SUMF1: variants seen among roughly 807,000 people sequenced by gnomAD.
SUMF1 encodes the protein formylglycine-generating enzyme.
In SUMF1, 48 loss-of-function variants were observed where a neutral mutation model predicts 47.6. The ratio of observed to expected loss-of-function variants is 1.01; its 90% CI spans 0.80 to 1.28. SUMF1 has a LOEUF of 1.28. Among genes scored for constraint, SUMF1 ranks in the 50% most tolerant of loss-of-function variants. The probability of loss-of-function intolerance (pLI) is 0.00; values close to 1 mark genes in which losing one functional copy is unlikely to be tolerated. For missense variants in SUMF1, 571 were observed against 485.4 expected, an observed-to-expected ratio of 1.18 and a Z score of -1.66; for synonymous variants, 230 against 192.1, an observed-to-expected ratio of 1.20 and a Z score of -1.63.
chr3:4,204,921 A>T (rs1695619156), intron 8 of SUMF1, among the ~76,000 whole-genome samples: 1 of 152,078 alleles, frequency 6.6e-6, no homozygotes, highest in Non-Finnish European at 1.5e-5. Context: ...GAGCTTCCTC[A>T]AAACAGCTAT....
intron 8 of SUMF1, among the ~76,000 whole-genome samples, chr3:4,153,869 A>G (rs191513583): frequency 1.1e-3 from 172 of 151,646 alleles, no homozygotes; most frequent in Non-Finnish European, 3.4e-4. Flanking sequence ...GTCTGTTAGG[A>G]GGCAGGGAGG....
At chr3:4,144,690 A>G (rs1694153304) in intron 8 of SUMF1, among the ~76,000 whole-genome samples, 1 of 152,148 alleles carries the variant, frequency 6.6e-6, no homozygotes, top group Non-Finnish European at 1.5e-5. Context: ...TGTAACTAAT[A>G]TTCAGAATGA....
intron 3 of SUMF1, among the ~76,000 whole-genome samples, chr3:4,447,418 A>C (rs896144170): frequency 6.6e-6 from 1 of 152,160 alleles, no homozygotes; most frequent in African/African-American, 2.4e-5. Context: ...TTCTAACTTA[A>C]TCAAGTCTTG....
chr3:4,446,408 T>C (rs1396082307), intron 3 of SUMF1, among the ~76,000 whole-genome samples: 1 of 152,260 alleles, frequency 6.6e-6, no homozygotes, highest in Non-Finnish European at 1.5e-5. Flanking sequence ...GCCATGATTA[T>C]GAGGCCTCTC....
intron 8 of SUMF1, among the ~76,000 whole-genome samples, chr3:4,233,873 T>C (rs1696353247): frequency 6.6e-6 from 1 of 152,156 alleles, no homozygotes; most frequent in Non-Finnish European, 1.5e-5. Flanking sequence ...TTTGCACCGA[T>C]GCACCAATAA....
intron 8 of SUMF1, among the ~76,000 whole-genome samples, chr3:4,233,641 C>G (rs1394762085): frequency 3.3e-5 from 5 of 152,104 alleles, no homozygotes; most frequent in Admixed American, 6.6e-5. Flanking sequence ...AAATACCACA[C>G]TGCAGTTTCA....
intron 8 of SUMF1, among the ~76,000 whole-genome samples, chr3:4,277,283 G>T (rs947114211): frequency 6.6e-6 from 1 of 152,082 alleles, no homozygotes; most frequent in African/African-American, 2.4e-5. Context: ...AAGACAAAAT[G>T]AAAATACCCA....
At chr3:4,062,176 T>C (rs1362376032) in intron 9 of SUMF1, among the ~76,000 whole-genome samples, 2 of 152,056 alleles carry the variant, frequency 1.3e-5, no homozygotes, top group African/African-American at 2.4e-5. Flanking sequence ...GAGCCAACCC[T>C]TGCCTGGGAA....
chr3:4,303,537 G>C, intron 8 of SUMF1: 1 of 1,370,652 alleles, frequency 7.3e-7, no homozygotes, highest in Non-Finnish European at 9.4e-7. Flanking sequence ...GTAGGGGCGG[G>C]GCCAGGCGGC....
chr3:4,227,309 C>T (rs1388374097), intron 8 of SUMF1, among the ~76,000 whole-genome samples: 1 of 152,118 alleles, frequency 6.6e-6, no homozygotes, highest in Non-Finnish European at 1.5e-5. Context: ...ATGAACACTG[C>T]AGAATGGATC....
intron 8 of SUMF1, among the ~76,000 whole-genome samples, chr3:4,232,502 T>G (rs1455605495): frequency 2.0e-5 from 3 of 151,960 alleles, no homozygotes; most frequent in Non-Finnish European, 4.4e-5. Context: ...CCTGAAAATT[T>G]ACCCTCCCAG....
chr3:4,108,777 G>A (rs371741293), intron 8 of SUMF1, among the ~76,000 whole-genome samples: 2 of 151,988 alleles, frequency 1.3e-5, no homozygotes, highest in Non-Finnish European at 2.9e-5. Context: ...CATTTGCTTG[G>A]TAGATCTTCC....
rs145383154 is a variant in SUMF1 at position 4,361,316 on chromosome 3, C to G, written c.*828G>C. The stretch of plus-strand genomic sequence containing the variant: ...ATATCTAGAATTAAACAGGTTTCCC[C>G]GTTTAGCGCACATTTCACGTTCGCT... On this transcript the variant is annotated 3_prime_UTR_variant, in exon 9 of 9. Coordinates refer to ENST00000272902, the MANE Select transcript of SUMF1 (RefSeq NM_182760.4). 1 of 152,562 alleles carries G rather than the reference C, an allele frequency of 6.6e-6. No homozygotes were observed. Among genetic ancestry groups the G allele is most frequent in the African/African-American group, 2.4e-5 (1 of 41,424 alleles). The allele number at this position is 152,562 out of a possible 1,614,324, so 9.5% of individuals were successfully genotyped here.
chr3:4,062,068 A>C (rs2251048), intron 9 of SUMF1, among the ~76,000 whole-genome samples: 148,686 of 152,070 alleles, frequency 0.98, 72,764 homozygotes, highest in Middle Eastern at 1. Flanking sequence ...CCTGAACAGC[A>C]CCCCCTTCCT....
chr3:4,198,073 T>G (rs1179696811), intron 8 of SUMF1, among the ~76,000 whole-genome samples: 1 of 143,136 alleles, frequency 7.0e-6, no homozygotes, highest in African/African-American at 2.6e-5. Flanking sequence ...ATTGGTCAAA[T>G]GAAAAATGTA....
intron 8 of SUMF1, among the ~76,000 whole-genome samples, chr3:4,161,572 G>A (rs1694577859): frequency 6.6e-6 from 1 of 151,972 alleles, no homozygotes; most frequent in South Asian, 2.1e-4. Context: ...TCTCTCCATA[G>A]CTGTCACCAT....
chr3:4,238,652 C>T (rs139311148), intron 8 of SUMF1, among the ~76,000 whole-genome samples: 148 of 151,992 alleles, frequency 9.7e-4, no homozygotes, highest in Middle Eastern at 3.4e-3. Flanking sequence ...TTGTTTAAGT[C>T]ATTTGTAGAT....
chr3:4,418,336 G>A (rs1022658818), intron 4 of SUMF1, among the ~76,000 whole-genome samples: 2 of 152,234 alleles, frequency 1.3e-5, no homozygotes, highest in Non-Finnish European at 2.9e-5. Flanking sequence ...ATGGGTTACA[G>A]TTCCACTGGG....
At chr3:4,346,385 C>G (rs1367264767) in intron 8 of SUMF1, among the ~76,000 whole-genome samples, 1 of 152,052 alleles carries the variant, frequency 6.6e-6, no homozygotes, top group African/African-American at 2.4e-5. Flanking sequence ...CACTCAAAAC[C>G]ACACAATTTC....
Sources: allele counts gnomAD v4.1 joint callset (sites outside exome capture counted in the v4.1 genomes callset), GRCh38; gene constraint gnomAD v4.1.1; transcripts MANE v1.5; gene names NCBI Gene and HGNC (gene_info 2026-07-23, HGNC 2026-07-21).